Variants in ASTL observed in about 807,000 individuals in gnomAD.
ASTL encodes astacin like metalloendopeptidase, also known as astacin-like metalloendopeptidase.
Under a neutral mutation model 36.7 loss-of-function variants are expected in ASTL, and 27 were observed. That is an observed-to-expected ratio of 0.73 (90% CI 0.54 to 1.01). ASTL has a LOEUF of 1.01. Ranked by LOEUF, ASTL falls within the 50% of genes least tolerant of loss-of-function variation. The probability of loss-of-function intolerance (pLI) is 0.00; values close to 1 mark genes in which losing one functional copy is unlikely to be tolerated. For synonymous variants in ASTL, 222 were observed against 228.1 expected (o/e 0.97, Z 0.24); for missense variants, 524 against 572.8 (o/e 0.91, Z 0.87).
At chr2:96,133,055 C>A (rs1438040311) in intron 5 of ASTL, among the ~76,000 whole-genome samples, 1 of 152,218 alleles carries the variant, frequency 6.6e-6, no homozygotes. Flanking sequence ...CCTCAGGCCC[C>A]TGACAAGCTA....
intron 8 of ASTL, among the ~76,000 whole-genome samples, chr2:96,129,184 A>G (rs887245417): frequency 3.3e-5 from 5 of 152,228 alleles, no homozygotes; most frequent in African/African-American, 1.2e-4. Context: ...AGTATTATTT[A>G]ACGATTTTAA....
chr2:96,135,241 C>G, intron 3 of ASTL, 110 bp downstream of exon 3: 1 of 797,136 alleles, frequency 1.3e-6, no homozygotes, highest in South Asian at 1.6e-5. Context: ...ATCTACCAAG[C>G]TATGTATGTC....
intron 2 of ASTL, among the ~76,000 whole-genome samples, chr2:96,137,103 A>T (rs896098840): frequency 6.6e-6 from 1 of 152,072 alleles, no homozygotes; most frequent in African/African-American, 2.4e-5. Flanking sequence ...TCAGCCTCCC[A>T]AAGTGCTGGG....
At chr2:96,126,527 C>T (rs966195387) in intron 8 of ASTL, among the ~76,000 whole-genome samples, 1 of 152,132 alleles carries the variant, frequency 6.6e-6, no homozygotes, top group Admixed American at 6.5e-5. Flanking sequence ...AAATCGGAAC[C>T]CTCGTATACC....
At position 96,123,314 on chromosome 2, in the gene ASTL, G is replaced by T. The variant is rs1022049705; in HGVS notation, c.*536C>A. ...ACCTTCCTGCTCTGCAGGGGAGTAA[G>T]TTGGGCTCTCAAAGCCTCCTGGAGA... On this transcript the variant is annotated 3_prime_UTR_variant, in exon 9 of 9. Coordinates refer to ENST00000342380, the MANE Select transcript of ASTL (RefSeq NM_001002036.4). 6.6e-6 allele frequency among the ~76,000 whole-genome samples: 1 copy of T among 152,240 alleles called. No individual in the cohort carries two copies. Among genetic ancestry groups the T allele is most frequent in the Non-Finnish European group, 1.5e-5 (1 of 68,036 alleles).
intron 8 of ASTL, among the ~76,000 whole-genome samples, chr2:96,126,350 G>GAT (rs1273499275): frequency 2.0e-5 from 3 of 152,162 alleles, no homozygotes; most frequent in Admixed American, 2.0e-4. Context: ...ACAGACAGAG[G>GAT]ATATGAACAT....
chr2:96,135,667 G>A (rs1411287559), intron 2 of ASTL, among the ~76,000 whole-genome samples: 1 of 152,236 alleles, frequency 6.6e-6, no homozygotes, highest in Non-Finnish European at 1.5e-5. Flanking sequence ...TGAGGGGGCT[G>A]GAGGACAAAG....
In ASTL at chr2:96,137,713, G is replaced by A. The variant is rs749531143; in HGVS notation, c.56-13C>T. The stretch of plus-strand genomic sequence containing the variant: ...CCTAGGATCACACCTGGTCCAGACA[G>A]ACAGGGGCATACACAGATGCCTGGA... On this transcript the variant is annotated splice_polypyrimidine_tract_variant and intron_variant, in intron 1 of 8. Coordinates refer to ENST00000342380, the MANE Select transcript of ASTL (RefSeq NM_001002036.4). 1 of 1,609,330 alleles carries A rather than the reference G, an allele frequency of 6.2e-7. No homozygotes were observed. Among genetic ancestry groups the A allele is most frequent in the African/African-American group, 1.3e-5 (1 of 74,946 alleles).
intron 3 of ASTL, 69 bp downstream of exon 3, chr2:96,135,282 G>T: frequency 7.5e-7 from 1 of 1,338,894 alleles, no homozygotes; most frequent in Non-Finnish European, 1.1e-6. Context: ...GGCATCCAGG[G>T]TGGGCTCAGA....
At position 96,137,665 on chromosome 2, in the gene ASTL, C is replaced by T. The variant is rs753631127; in HGVS notation, c.91G>A (p.Ala31Thr). The T allele has an allele frequency of 3.0e-5, 48 of 1,613,654 alleles. No homozygotes were observed. The highest frequency in any genetic ancestry group is 1.3e-4 in the South Asian group (12 of 91,086). ...GGGAAGCTGGTACCACAGGCTCCTG[C>T]GCAGCTGGAGGCCAGGGGCGCTCCT... The part of the protein sequence containing the change: ...ILGAPLASSC[A>T]GACGTSFPDG... The change falls in exon 2 of 9, where the codon GCA becomes ACA. Residue 31 changes from alanine (A) to threonine (T), a missense_variant. Ala to Thr is a moderately conservative substitution (Grantham distance 58). Transcript: ENST00000342380.
rs1357167009 is a variant in ASTL at position 96,129,843 on chromosome 2, G to T, written c.855C>A (p.Gly285=). 1.9e-6 allele frequency: 3 copies of T among 1,567,418 alleles called. No homozygotes were observed. Among genetic ancestry groups the T allele is most frequent in the Non-Finnish European group, 2.6e-6 (3 of 1,153,762 alleles). ...ACTCACCTCTCCCACGGGGCCTGGG[G>T]CCACTTGGGCTGCAGCCGTAGAGTT... ...VLKLYGCSPS[G]PRPRGRGSHA... is the part of the protein sequence containing the mutation. Residue 285 remains glycine (G), a synonymous_variant, in exon 8 of 9, where the codon GGC becomes GGA. Transcript: ENST00000342380.
chr2:96,133,382 C>A, intron 5 of ASTL, 43 bp downstream of exon 5: 1 of 1,321,806 alleles, frequency 7.6e-7, no homozygotes, highest in Non-Finnish European at 1.1e-6. Context: ...CCGGGCTGAA[C>A]GCAGAAGCGA....
intron 3 of ASTL, 122 bp from the exon 4 acceptor site, chr2:96,134,180 G>T (rs991554393): frequency 4.3e-6 from 3 of 695,292 alleles, no homozygotes; most frequent in Admixed American, 2.1e-5. Context: ...CTGTGTGCAT[G>T]GGAATGGGGG....
Position 96,133,553 on chromosome 2 carries a change from C to CT in ASTL, c.338-12_338-11insA. The stretch of plus-strand genomic sequence containing the variant: ...GGCGGCTGGGCTCATCTGGAAGACA[C>CT]CACCTGGCTGAGCCCCCAGAGCCCT... On this transcript the variant is annotated splice_polypyrimidine_tract_variant and intron_variant, in intron 4 of 8. Transcript: ENST00000342380. 6.2e-7 allele frequency: 1 copy of CT among 1,601,704 alleles called. No homozygotes were observed. Among genetic ancestry groups the CT allele is most frequent in the Non-Finnish European group, 8.6e-7 (1 of 1,168,730 alleles).
At chr2:96,135,486 CTACT>C in intron 2 of ASTL, 74 bp from the exon 3 acceptor site, 3 of 1,315,310 alleles carry the variant, frequency 2.3e-6, no homozygotes, top group Admixed American at 1.9e-5. Context: ...AAGCAAATCC[CTACT>C]TACTTAAGTC....
intron 2 of ASTL, among the ~76,000 whole-genome samples, 162 bp from the exon 3 acceptor site, chr2:96,135,574 G>A (rs376559039): frequency 1.3e-5 from 2 of 152,244 alleles, no homozygotes; most frequent in Non-Finnish European, 1.5e-5. Context: ...ATAGGTCATC[G>A]GCTCTCCGAG....
chr2:96,133,748 A>G (rs1682234707), intron 4 of ASTL: 2 of 639,624 alleles, frequency 3.1e-6, no homozygotes, highest in Middle Eastern at 3.6e-4. Flanking sequence ...GCATGGTCTC[A>G]AGGGGAACCA....
intron 8 of ASTL, among the ~76,000 whole-genome samples, chr2:96,128,138 A>G (rs186871200): frequency 9.1e-4 from 138 of 151,874 alleles, no homozygotes; most frequent in African/African-American, 3.2e-3. Flanking sequence ...AGGCTGACGC[A>G]GGAGAATCAC....
rs550035061 is a variant in ASTL, at chr2:96,122,870, C to T, written c.*980G>A. On this transcript the variant is annotated 3_prime_UTR_variant, in exon 9 of 9. Coordinates refer to ENST00000342380, the MANE Select transcript of ASTL (RefSeq NM_001002036.4). Reference sequence around the variant, plus strand: ...CTCCCCCAACATGTGGGGCTCCTGCCCCTTCTACCCCAAGCAGGGCTTCCT... The same window carrying T: ...CTCCCCCAACATGTGGGGCTCCTGCTCCTTCTACCCCAAGCAGGGCTTCCT... 1.2e-4 allele frequency among the ~76,000 whole-genome samples: 18 copies of T among 152,220 alleles called. No homozygotes were observed. The highest frequency in any genetic ancestry group is 2.1e-4 in the Non-Finnish European group (14 of 68,026).
Sources: gnomAD v4.1 joint callset for allele counts (sites outside exome capture counted in the v4.1 genomes callset) on GRCh38, gnomAD v4.1.1 for gene constraint, MANE v1.5 for transcripts, NCBI Gene and HGNC (gene_info 2026-07-23, HGNC 2026-07-21) for gene names.